The following SPAG16 variants were observed in gnomAD, a reference collection of about 807,000 sequenced individuals.
The protein encoded by SPAG16 is sperm-associated antigen 16 protein.
A neutral mutation model predicts 80.4 loss-of-function variants in SPAG16; 86 were observed. That is an observed-to-expected ratio of 1.07 (90% CI 0.90 to 1.28). The LOEUF is 1.28. Among genes scored for constraint, SPAG16 ranks in the 50% most tolerant of loss-of-function variants. The pLI is 0.00. For missense variants in SPAG16, 870 were observed against 765.3 expected, an observed-to-expected ratio of 1.14 and a Z score of -1.61; for synonymous variants, 294 against 265.9, an observed-to-expected ratio of 1.11 and a Z score of -1.03.
intron 9 of SPAG16, among the ~76,000 whole-genome samples, chr2:213,485,231 C>T (rs890169822): frequency 6.6e-6 from 1 of 151,972 alleles, no homozygotes; most frequent in Non-Finnish European, 1.5e-5. Flanking sequence ...TGAGCTCAAG[C>T]GATCCACCTG....
At chr2:213,995,546 A>T (rs1009574321) in intron 12 of SPAG16, among the ~76,000 whole-genome samples, 14 of 152,204 alleles carry the variant, frequency 9.2e-5, no homozygotes, top group African/African-American at 3.4e-4. Context: ...ACTAGAAGTC[A>T]AGCTAATTTA....
At chr2:213,314,648 G>A (rs907032092) in intron 4 of SPAG16, among the ~76,000 whole-genome samples, 4 of 151,802 alleles carry the variant, frequency 2.6e-5, no homozygotes. Context: ...ATTTGGATTT[G>A]TGCTTCTTTT....
chr2:213,873,072 A>G (rs6733518), intron 11 of SPAG16, among the ~76,000 whole-genome samples: 90,049 of 151,618 alleles, frequency 0.59, 28,605 homozygotes, highest in South Asian at 0.85. Context: ...TACTGGCCTC[A>G]CAGAATAAGT....
chr2:214,052,496 C>T (rs1400550168), intron 13 of SPAG16, among the ~76,000 whole-genome samples: 1 of 152,192 alleles, frequency 6.6e-6, no homozygotes, highest in Non-Finnish European at 1.5e-5. Context: ...CTTGCCTGCA[C>T]CAGCCACAGA....
At chr2:214,226,193 C>G (rs1343391836) in intron 15 of SPAG16, among the ~76,000 whole-genome samples, 1 of 152,034 alleles carries the variant, frequency 6.6e-6, no homozygotes, top group African/African-American at 2.4e-5. Flanking sequence ...AGTTTGCTGG[C>G]AGGTTGGTAG....
chr2:213,950,691 C>T (rs950863962), intron 12 of SPAG16, among the ~76,000 whole-genome samples: 23 of 73,204 alleles, frequency 3.1e-4, no homozygotes, highest in African/African-American at 5.5e-4. Flanking sequence ...TCTCTCTTTT[C>T]TTTTTTCTTT....
intron 10 of SPAG16, among the ~76,000 whole-genome samples, chr2:213,564,709 T>A (rs2059704027): frequency 6.6e-6 from 1 of 152,196 alleles, no homozygotes; most frequent in African/African-American, 2.4e-5. Flanking sequence ...ACATGTCTCA[T>A]GTGTCAAGCA....
chr2:214,380,903 A>C (rs1700411601), intron 15 of SPAG16, among the ~76,000 whole-genome samples: 1 of 152,208 alleles, frequency 6.6e-6, no homozygotes, highest in Admixed American at 6.5e-5. Context: ...GAATTTATTA[A>C]GGCAATTTCA....
At chr2:213,379,827 C>A (rs576143676) in intron 9 of SPAG16, among the ~76,000 whole-genome samples, 2 of 152,210 alleles carry the variant, frequency 1.3e-5, no homozygotes, top group African/African-American at 2.4e-5. Flanking sequence ...TTCCTGGGCC[C>A]ATGCGTAACC....
chr2:213,518,266 A>G (rs1414150047), intron 10 of SPAG16, among the ~76,000 whole-genome samples: 3 of 152,228 alleles, frequency 2.0e-5, no homozygotes, highest in African/African-American at 4.8e-5. Context: ...TACACCAGGC[A>G]GAATGGCTAT....
intron 11 of SPAG16, among the ~76,000 whole-genome samples, chr2:213,908,312 G>C (rs2077511662): frequency 6.6e-6 from 1 of 152,178 alleles, no homozygotes; most frequent in African/African-American, 2.4e-5. Context: ...GTGCTGTTCT[G>C]CACATCATTC....
At chr2:213,712,331 G>T (rs950696331) in intron 10 of SPAG16, among the ~76,000 whole-genome samples, 7 of 152,102 alleles carry the variant, frequency 4.6e-5, no homozygotes, top group Non-Finnish European at 8.8e-5. Context: ...ATATCAGCAA[G>T]ATAGACATTG....
chr2:214,372,339 T>C (rs1420494588), intron 15 of SPAG16, among the ~76,000 whole-genome samples: 1 of 152,170 alleles, frequency 6.6e-6, no homozygotes, highest in Non-Finnish European at 1.5e-5. Flanking sequence ...TGAAGCATCA[T>C]GCCAGTGTAA....
intron 15 of SPAG16, among the ~76,000 whole-genome samples, chr2:214,340,904 T>C (rs1697639072): frequency 1.3e-5 from 2 of 152,152 alleles, no homozygotes; most frequent in Admixed American, 1.3e-4. Flanking sequence ...GAGTCACCTT[T>C]CTCCATATTA....
chr2:213,361,378 G>GTGTATA (rs753903147), intron 7 of SPAG16, among the ~76,000 whole-genome samples: 2 of 147,106 alleles, frequency 1.4e-5, no homozygotes, highest in African/African-American at 2.5e-5. Context: ...GTGTGTGTGT[G>GTGTATA]TATATATATA....
intron 10 of SPAG16, among the ~76,000 whole-genome samples, chr2:213,494,168 T>C (rs138223233): frequency 4.1e-4 from 62 of 152,334 alleles, no homozygotes; most frequent in Non-Finnish European, 8.2e-4. Flanking sequence ...GATTTCTGGT[T>C]GATAGGTTGG....
chr2:214,140,940 G>C (rs2055321266), intron 14 of SPAG16, among the ~76,000 whole-genome samples: 1 of 100,672 alleles, frequency 9.9e-6, no homozygotes, highest in Non-Finnish European at 2.1e-5. Flanking sequence ...TGGTGGGGGG[G>C]GGGGGGTGGG....
chr2:213,707,422 TTC>T (rs1207446461), intron 10 of SPAG16, among the ~76,000 whole-genome samples: 1 of 152,248 alleles, frequency 6.6e-6, no homozygotes, highest in African/African-American at 2.4e-5. Context: ...TTATTAGAAA[TTC>T]TCTTTCTCAA....
intron 10 of SPAG16, among the ~76,000 whole-genome samples, chr2:213,737,623 G>A (rs936671989): frequency 6.6e-6 from 1 of 151,838 alleles, no homozygotes; most frequent in African/African-American, 2.4e-5. Context: ...GAGTAGCTGG[G>A]ACTATAGGCG....
Sources: allele counts gnomAD v4.1 joint callset (sites outside exome capture counted in the v4.1 genomes callset), GRCh38; gene constraint gnomAD v4.1.1; transcripts MANE v1.5; gene names NCBI Gene and HGNC (gene_info 2026-07-23, HGNC 2026-07-21).